Variants in PDE1A observed in about 807,000 individuals in gnomAD.
PDE1A encodes phosphodiesterase 1A.
In PDE1A, 35 loss-of-function variants were observed where a neutral mutation model predicts 61.7. The ratio of observed to expected loss-of-function variants is 0.57; its 90% CI spans 0.43 to 0.75. The LOEUF (loss-of-function observed/expected upper bound fraction) is 0.75, where lower values mean the gene tolerates loss of function less well. Among genes scored for constraint, PDE1A ranks in the 30% least tolerant of loss-of-function variants. The probability of loss-of-function intolerance (pLI) is 0.00; values close to 1 mark genes in which losing one functional copy is unlikely to be tolerated. For synonymous variants in PDE1A, 232 were observed against 213.2 expected (o/e 1.09, Z -0.77); for missense variants, 597 against 630.6 (o/e 0.95, Z 0.57).
chr2:182,427,721 G>T (rs749380435), upstream of PDE1A, among the ~76,000 whole-genome samples: 3 of 152,144 alleles, frequency 2.0e-5, no homozygotes, highest in African/African-American at 7.2e-5. Context: ...TCTAGCTCCA[G>T]ATAAAGGGAA....
chr2:182,499,738 AATATATCTTCAC>A (rs1358873667), intron 2 of PDE1A, among the ~76,000 whole-genome samples: 2 of 152,214 alleles, frequency 1.3e-5, no homozygotes, highest in Non-Finnish European at 2.9e-5. Context: ...TATCAAAATA[AATATATCTTCAC>A]ATATGAATTC....
chr2:182,278,122 T>G (rs2125840738), intron 1 of PDE1A, among the ~76,000 whole-genome samples: 1 of 152,160 alleles, frequency 6.6e-6, no homozygotes, highest in South Asian at 2.1e-4. Flanking sequence ...GGACAATTTC[T>G]TAGTAAGTCT....
the PDE1A span, among the ~76,000 whole-genome samples, chr2:182,677,890 G>T: frequency 2.0e-5 from 3 of 152,106 alleles, no homozygotes; most frequent in Admixed American, 6.6e-5. Context: ...ATGTCTGACT[G>T]CCCATTTTAT....
rs145083102 is a variant in PDE1A at position 182,252,188 on chromosome 2, T to C, written c.168-11896A>G. On this transcript the variant is annotated intron_variant, in intron 2 of 13. Transcript: ENST00000351439. Reference sequence around the variant, plus strand: ...AAAATATTCAAGTATTTGCACTAGTTAGGTATTAGCCCAGATGAAGAATAA... The same window carrying C: ...AAAATATTCAAGTATTTGCACTAGTCAGGTATTAGCCCAGATGAAGAATAA... Among the ~76,000 whole-genome samples the C allele has an allele frequency of 5.9e-3, 900 of 152,342 alleles. 8 individuals carry two copies. The highest frequency in any genetic ancestry group is 0.01 in the Middle Eastern group (3 of 294).
chr2:182,624,608 G>A, the PDE1A span, among the ~76,000 whole-genome samples: 2 of 152,162 alleles, frequency 1.3e-5, no homozygotes, highest in East Asian at 1.9e-4. Context: ...GCAACCATGA[G>A]CAATATAATT....
chr2:182,221,508 T>C (rs1437524284), intron 7 of PDE1A, among the ~76,000 whole-genome samples: 1 of 152,074 alleles, frequency 6.6e-6, no homozygotes, highest in Non-Finnish European at 1.5e-5. Context: ...TCTGCAAATA[T>C]GGGTAGAAAA....
At chr2:182,543,795 A>G in the PDE1A span, among the ~76,000 whole-genome samples, 1 of 152,148 alleles carries the variant, frequency 6.6e-6, no homozygotes, top group Non-Finnish European at 1.5e-5. Context: ...GAGATTTATA[A>G]TTTAACTGAA....
chr2:182,313,151 C>T (rs780535503), intron 1 of PDE1A, among the ~76,000 whole-genome samples: 21 of 152,146 alleles, frequency 1.4e-4, no homozygotes, highest in Non-Finnish European at 1.2e-4. Context: ...CAGTGGCTCA[C>T]GCCTGTAATC....
chr2:182,660,250 GAA>G, the PDE1A span, among the ~76,000 whole-genome samples: 1 of 152,140 alleles, frequency 6.6e-6, no homozygotes, highest in Non-Finnish European at 1.5e-5. Context: ...CAAATATTTA[GAA>G]AAGAGAAAGA....
chr2:182,247,566 G>A (rs756132828), intron 2 of PDE1A, among the ~76,000 whole-genome samples: 4 of 151,854 alleles, frequency 2.6e-5, no homozygotes, highest in Admixed American at 6.6e-5. Flanking sequence ...CCTCGTACCC[G>A]CCTTGTACTC....
chr2:182,478,549 A>T (rs1687514157), intron 2 of PDE1A, among the ~76,000 whole-genome samples: 1 of 151,848 alleles, frequency 6.6e-6, no homozygotes, highest in Non-Finnish European at 1.5e-5. Flanking sequence ...TACCTACTGT[A>T]TTTCCTCATG....
At chr2:182,152,958 G>A (rs1199191582) in intron 13 of PDE1A, among the ~76,000 whole-genome samples, 1 of 151,978 alleles carries the variant, frequency 6.6e-6, no homozygotes, top group East Asian at 1.9e-4. Context: ...CAAGAAATAG[G>A]TAAATTATGT....
intron 1 of PDE1A, among the ~76,000 whole-genome samples, chr2:182,390,109 T>A (rs1701336701): frequency 6.6e-6 from 1 of 152,144 alleles, no homozygotes; most frequent in South Asian, 2.1e-4. Context: ...GAGTCGGTAC[T>A]CCTTAATAAA....
chr2:182,583,074 C>T, the PDE1A span, among the ~76,000 whole-genome samples: 1 of 152,124 alleles, frequency 6.6e-6, no homozygotes, highest in Non-Finnish European at 1.5e-5. Flanking sequence ...AAAGATAAAT[C>T]CAGGAGAACA....
At chr2:182,597,088 G>A in the PDE1A span, among the ~76,000 whole-genome samples, 1 of 151,904 alleles carries the variant, frequency 6.6e-6, no homozygotes, top group Non-Finnish European at 1.5e-5. Flanking sequence ...GGAGGTTGAG[G>A]CTGAGGTGAG....
At chr2:182,677,999 C>G in the PDE1A span, among the ~76,000 whole-genome samples, 2 of 152,094 alleles carry the variant, frequency 1.3e-5, no homozygotes, top group African/African-American at 4.8e-5. Context: ...TATCGCAGCA[C>G]AAAAGCCAGG....
intron 1 of PDE1A, among the ~76,000 whole-genome samples, chr2:182,294,439 G>C (rs1027293295): frequency 3.3e-5 from 5 of 152,136 alleles, no homozygotes; most frequent in Non-Finnish European, 7.4e-5. Context: ...ACTCATATGA[G>C]TTTTATAATT....
chr2:182,714,434 A>G, the PDE1A span, among the ~76,000 whole-genome samples: 1 of 152,226 alleles, frequency 6.6e-6, no homozygotes, highest in Non-Finnish European at 1.5e-5. Context: ...TGAACTAGAT[A>G]TGTCCAAGTC....
chr2:182,179,292 A>G (rs980392725), intron 13 of PDE1A, among the ~76,000 whole-genome samples: 1 of 152,166 alleles, frequency 6.6e-6, no homozygotes, highest in African/African-American at 2.4e-5. Context: ...GTTTTCTGCA[A>G]GATCCAGAAA....
Sources: gnomAD v4.1 joint callset for allele counts (sites outside exome capture counted in the v4.1 genomes callset) on GRCh38, gnomAD v4.1.1 for gene constraint, MANE v1.5 for transcripts, NCBI Gene and HGNC (gene_info 2026-07-23, HGNC 2026-07-21) for gene names.